GAPVD1: variants seen among roughly 807,000 people sequenced by gnomAD.
GAPVD1 encodes the protein GTPase activating protein and VPS9 domains 1.
In GAPVD1, 35 loss-of-function variants were observed where a neutral mutation model predicts 155.5. The observed-to-expected ratio is 0.23, with a 90% confidence interval of 0.17 to 0.30. The LOEUF (loss-of-function observed/expected upper bound fraction) is 0.30. Among genes scored for constraint, GAPVD1 ranks in the 10% least tolerant of loss-of-function variants. GAPVD1 has a pLI of 1.00. For synonymous variants in GAPVD1, 636 were observed against 619.7 expected (o/e 1.03, Z -0.39); for missense variants, 1,429 against 1,775.7 (o/e 0.80, Z 3.51).
intron 23 of GAPVD1, among the ~76,000 whole-genome samples, chr9:125,351,107 C>T (rs1589106671): frequency 6.6e-6 from 1 of 152,148 alleles, no homozygotes; most frequent in Non-Finnish European, 1.5e-5. Context: ...GGCTGGGAGG[C>T]CTCACAATCA....
intron 12 of GAPVD1, among the ~76,000 whole-genome samples, chr9:125,329,486 A>G (rs1010620510): frequency 1.3e-5 from 2 of 152,214 alleles, no homozygotes; most frequent in Non-Finnish European, 2.9e-5. Flanking sequence ...TGTTTTCTCT[A>G]TGGAGAGTCA....
intron 21 of GAPVD1, among the ~76,000 whole-genome samples, chr9:125,349,961 A>G (rs10819046): frequency 0.51 from 77,888 of 151,922 alleles, 20,095 homozygotes; most frequent in Middle Eastern, 0.59. Context: ...GGGTGTTGGG[A>G]GCTTCTGACT....
At chr9:125,268,170 A>T (rs890473575) in intron 1 of GAPVD1, among the ~76,000 whole-genome samples, 1 of 150,788 alleles carries the variant, frequency 6.6e-6, no homozygotes, top group Admixed American at 6.7e-5. Context: ...GTCTCAAAAA[A>T]AAACAACAAC....
chr9:125,291,459 C>G (rs919367903), intron 2 of GAPVD1, among the ~76,000 whole-genome samples: 1 of 152,068 alleles, frequency 6.6e-6, no homozygotes, highest in African/African-American at 2.4e-5. Flanking sequence ...GGGATTTACA[C>G]TAGCTAGGTA....
At chr9:125,292,571 T>G (rs1838785055) in intron 2 of GAPVD1, among the ~76,000 whole-genome samples, 2 of 152,176 alleles carry the variant, frequency 1.3e-5, no homozygotes, top group South Asian at 4.1e-4. Context: ...TTTTGTATTT[T>G]TACTAGAGGG....
At chr9:125,290,380 G>C (rs1242421145) in intron 2 of GAPVD1, among the ~76,000 whole-genome samples, 1 of 152,052 alleles carries the variant, frequency 6.6e-6, no homozygotes, top group Non-Finnish European at 1.5e-5. Flanking sequence ...ATGAAGGGAG[G>C]AAGCCAGTGT....
At position 125,346,843 on chromosome 9, in the gene GAPVD1, C is replaced by G. The variant is rs779552583; in HGVS notation, c.3071C>G (p.Ala1024Gly). ...GATGATCCCAGCCCTAGACTCAGTGCACAAGCTCAGGTGGCTGAGGATATT... is the reference window on the plus strand; with the variant it reads ...GATGATCCCAGCCCTAGACTCAGTGGACAAGCTCAGGTGGCTGAGGATATT... ...LTDDPSPRLS[A>G]QAQVAEDILD... Residue 1024 changes from alanine (A) to glycine (G), a missense_variant, in exon 20 of 28, where the codon GCA (alanine) becomes GGA (glycine). Around this residue, in one of 4 missense-constraint regions of GAPVD1, gnomAD observed 699 missense variants for 826.0 expected, o/e 0.85. Coordinates refer to ENST00000297933, the MANE Select transcript of GAPVD1 (RefSeq NM_001282680.3). 1 of 1,614,040 alleles carries G rather than the reference C, an allele frequency of 6.2e-7. No homozygotes were observed. Among genetic ancestry groups the G allele is most frequent in the South Asian group, 1.1e-5 (1 of 91,082 alleles).
chr9:125,269,484 A>G (rs939399686), intron 2 of GAPVD1, among the ~76,000 whole-genome samples: 4 of 151,272 alleles, frequency 2.6e-5, no homozygotes, highest in Non-Finnish European at 5.9e-5. Flanking sequence ...AGGATATTTT[A>G]GTTTTTGTTC....
intron 23 of GAPVD1, among the ~76,000 whole-genome samples, chr9:125,352,972 G>A (rs1564462603): frequency 6.6e-6 from 1 of 152,124 alleles, no homozygotes; most frequent in Non-Finnish European, 1.5e-5. Context: ...GCTAGGTATG[G>A]TGGTGGGTTC....
chr9:125,320,664 C>T (rs1018630048), intron 9 of GAPVD1, among the ~76,000 whole-genome samples: 7 of 151,850 alleles, frequency 4.6e-5, no homozygotes, highest in South Asian at 4.1e-4. Flanking sequence ...CTCACTGTAT[C>T]GCCCAGGCTA....
intron 2 of GAPVD1, among the ~76,000 whole-genome samples, chr9:125,281,652 C>T (rs1393935915): frequency 6.6e-6 from 1 of 151,892 alleles, no homozygotes; most frequent in African/African-American, 2.4e-5. Flanking sequence ...TTCCAATTTC[C>T]TCAGTTTTTA....
chr9:125,324,284 A>G (rs1342783357), intron 11 of GAPVD1, among the ~76,000 whole-genome samples: 1 of 152,182 alleles, frequency 6.6e-6, no homozygotes, highest in African/African-American at 2.4e-5. Flanking sequence ...TGAGAGATAC[A>G]TATGGTTGAA....
chr9:125,263,846 G>C (rs1028538258), intron 1 of GAPVD1: 31 of 1,222,996 alleles, frequency 2.5e-5, no homozygotes, highest in Non-Finnish European at 3.5e-5. Flanking sequence ...ACAGTCTCCG[G>C]GGGGCAGATG....
chr9:125,316,182 A>T (rs1843394066), intron 9 of GAPVD1, among the ~76,000 whole-genome samples: 1 of 152,190 alleles, frequency 6.6e-6, no homozygotes, highest in Non-Finnish European at 1.5e-5. Flanking sequence ...GCCACTTTGT[A>T]ACATTTATTT....
chr9:125,345,567 A>T (rs762124659), intron 19 of GAPVD1, among the ~76,000 whole-genome samples: 3 of 152,212 alleles, frequency 2.0e-5, no homozygotes, highest in Non-Finnish European at 4.4e-5. Flanking sequence ...TTCAAGGGTC[A>T]ACTGCAGTTT....
chr9:125,325,005 A>G (rs1844908972), intron 11 of GAPVD1, among the ~76,000 whole-genome samples: 1 of 151,788 alleles, frequency 6.6e-6, no homozygotes, highest in African/African-American at 2.4e-5. Context: ...CAGGTAGATC[A>G]TTTGAGGTCA....
At chr9:125,280,420 A>AT (rs1491105240) in intron 2 of GAPVD1, among the ~76,000 whole-genome samples, 3 of 138,364 alleles carry the variant, frequency 2.2e-5, no homozygotes. Context: ...AAAAAAAAAA[A>AT]GAATAAATGA....
At chr9:125,352,953 A>G (rs964687551) in intron 23 of GAPVD1, among the ~76,000 whole-genome samples, 1 of 152,044 alleles carries the variant, frequency 6.6e-6, no homozygotes, top group Non-Finnish European at 1.5e-5. Context: ...CTAAAAATAC[A>G]AAAAATTAGC....
chr9:125,305,002 A>C, intron 5 of GAPVD1, 61 bp from the exon 6 acceptor site: 1 of 1,043,608 alleles, frequency 9.6e-7, no homozygotes, highest in Non-Finnish European at 1.5e-6. Context: ...GCTTTCATAG[A>C]GACGTATTTG....
Sources: allele counts gnomAD v4.1 joint callset (sites outside exome capture counted in the v4.1 genomes callset), GRCh38; gene constraint gnomAD v4.1.1; regional missense constraint gnomAD v4.1.1; transcripts MANE v1.5; gene names NCBI Gene and HGNC (gene_info 2026-07-23, HGNC 2026-07-21).